PHTF2: variants seen among roughly 807,000 people sequenced by gnomAD.
PHTF2 encodes the protein putative homeodomain transcription factor 2.
A neutral mutation model predicts 101.2 loss-of-function variants in PHTF2; 60 were observed. That is an observed-to-expected ratio of 0.59 (90% CI 0.48 to 0.73). PHTF2 has a LOEUF of 0.73. PHTF2 is among the 30% of genes least tolerant of loss of function. PHTF2 has a pLI of 0.00. For missense variants in PHTF2, 747 were observed against 908.7 expected (o/e 0.82, Z 2.29); for synonymous variants, 311 against 307.3 (o/e 1.01, Z -0.13).
intron 3 of PHTF2, among the ~76,000 whole-genome samples, chr7:77,873,403 T>C (rs2150723949): frequency 6.6e-6 from 1 of 152,268 alleles, no homozygotes; most frequent in Admixed American, 6.5e-5. Context: ...ATTAGAAAAC[T>C]CAAGCAGTTC....
intron 1 of PHTF2, among the ~76,000 whole-genome samples, chr7:77,809,758 A>C (rs992931086): frequency 3.3e-5 from 5 of 152,186 alleles, no homozygotes; most frequent in Admixed American, 2.0e-4. Flanking sequence ...AGTAGATATT[A>C]AGGACTGTTG....
chr7:77,859,250 T>C (rs1348004085), intron 3 of PHTF2, among the ~76,000 whole-genome samples: 1 of 152,254 alleles, frequency 6.6e-6, no homozygotes, highest in Admixed American at 6.5e-5. Context: ...AATAAGGAAC[T>C]ATTCTGAGGT....
Position 77,922,611 on chromosome 7 carries a change from C to T in PHTF2, c.964-12C>T. On this transcript the variant is annotated splice_polypyrimidine_tract_variant and intron_variant, in intron 10 of 19. Coordinates refer to ENST00000416283, the Ensembl canonical transcript of PHTF2. Reference sequence around the variant, plus strand: ...AATTACCTATAATCCTCTTTGTGTACTCCCAACTTAGGATACCCAAAGGAC... The same window carrying T: ...AATTACCTATAATCCTCTTTGTGTATTCCCAACTTAGGATACCCAAAGGAC... 2 of 1,596,106 alleles carry T rather than the reference C, an allele frequency of 1.3e-6. No homozygotes were observed. Among genetic ancestry groups the T allele is most frequent in the South Asian group, 1.1e-5 (1 of 88,400 alleles).
intron 14 of PHTF2, 55 bp from the exon 14 acceptor site, chr7:77,940,473 T>G (rs1805552226): frequency 2.1e-6 from 3 of 1,459,358 alleles, no homozygotes; most frequent in Non-Finnish European, 2.8e-6. Context: ...TTTGTTAATT[T>G]TGTTTTTCTG....
chr7:77,839,328 A>G (rs1275151520), intron 1 of PHTF2, among the ~76,000 whole-genome samples: 3 of 152,188 alleles, frequency 2.0e-5, no homozygotes, highest in African/African-American at 2.4e-5. Context: ...TCTGGAGTTG[A>G]TGGGAATCAG....
rs1295236333 is a variant in PHTF2, at chr7:77,954,610, G to GTATATATA, written c.2338-247_2338-246insATATATAT. Among the ~76,000 whole-genome samples the GTATATATA allele has an allele frequency of 7.0e-3, 575 of 82,302 alleles. 2 individuals carry two copies. Among genetic ancestry groups the GTATATATA allele is most frequent in the Non-Finnish European group, 8.2e-3 (369 of 44,962 alleles). The allele number at this position is 82,302 out of a possible 152,430, so 54.0% of individuals were successfully genotyped here. A position where few individuals can be genotyped will look rare whatever the true frequency, so the allele number is the denominator to read the frequency against. On this transcript the variant is annotated intron_variant, in intron 19 of 19. Coordinates refer to ENST00000416283, the Ensembl canonical transcript of PHTF2. The stretch of plus-strand genomic sequence containing the variant: ...AAGATAATCATATTAAACAAGTACT[G>GTATATATA]TGTATATATATATATATATATATAT...
At chr7:77,930,500 T>C (rs940985081) in intron 12 of PHTF2, among the ~76,000 whole-genome samples, 1 of 152,120 alleles carries the variant, frequency 6.6e-6, no homozygotes, top group Admixed American at 6.6e-5. Flanking sequence ...CTTCTCTCTC[T>C]TATCCAACTC....
intron 3 of PHTF2, among the ~76,000 whole-genome samples, chr7:77,882,377 C>A (rs1392753396): frequency 6.6e-6 from 1 of 151,884 alleles, no homozygotes; most frequent in African/African-American, 2.4e-5. Flanking sequence ...AAATTTATTT[C>A]TTTTAAAATT....
intron 9 of PHTF2, among the ~76,000 whole-genome samples, chr7:77,913,720 A>T (rs532967939): frequency 6.6e-6 from 1 of 152,284 alleles, no homozygotes; most frequent in Non-Finnish European, 1.5e-5. Flanking sequence ...AAGTGTTGAG[A>T]TTACAGGTGT....
intron 5 of PHTF2, among the ~76,000 whole-genome samples, chr7:77,897,797 C>G (rs971771043): frequency 6.6e-6 from 1 of 152,150 alleles, no homozygotes; most frequent in African/African-American, 2.4e-5. Flanking sequence ...TCTCCTGCCT[C>G]AGCCTCCCAA....
chr7:77,869,128 TTTTTTCAG>T (rs1798317284), intron 3 of PHTF2, among the ~76,000 whole-genome samples: 1 of 152,184 alleles, frequency 6.6e-6, no homozygotes, highest in Non-Finnish European at 1.5e-5. Context: ...ATCTGTTTCA[TTTTTTCAG>T]TTTTTAAATT....
chr7:77,886,013 A>T (rs924250718), intron 3 of PHTF2, among the ~76,000 whole-genome samples: 1 of 152,236 alleles, frequency 6.6e-6, no homozygotes, highest in Non-Finnish European at 1.5e-5. Context: ...GTATCTGTTC[A>T]TTAGTTAAGG....
intron 11 of PHTF2, among the ~76,000 whole-genome samples, chr7:77,925,814 T>C (rs1803943413): frequency 1.3e-5 from 2 of 151,970 alleles, no homozygotes; most frequent in Non-Finnish European, 2.9e-5. Context: ...TCGCAGCACT[T>C]TGGGAGGCTG....
At chr7:77,867,240 A>G (rs1454113506) in intron 3 of PHTF2, among the ~76,000 whole-genome samples, 1 of 152,218 alleles carries the variant, frequency 6.6e-6, no homozygotes, top group African/African-American at 2.4e-5. Flanking sequence ...GGAGAAGTAT[A>G]TGACAATGAT....
At chr7:77,837,259 A>G (rs1379651407) in intron 1 of PHTF2, among the ~76,000 whole-genome samples, 2 of 152,214 alleles carry the variant, frequency 1.3e-5, no homozygotes, top group East Asian at 3.8e-4. Flanking sequence ...ATTTAACATT[A>G]AACCTGAGCT....
intron 17 of PHTF2, among the ~76,000 whole-genome samples, chr7:77,950,238 G>T (rs1166424927): frequency 6.6e-6 from 1 of 152,098 alleles, no homozygotes; most frequent in Non-Finnish European, 1.5e-5. Flanking sequence ...CACTTTATAG[G>T]AATTTTGTAA....
intron 3 of PHTF2, among the ~76,000 whole-genome samples, chr7:77,879,494 C>T (rs1210827251): frequency 6.6e-6 from 1 of 152,144 alleles, no homozygotes; most frequent in Non-Finnish European, 1.5e-5. Context: ...TCTTCCATTC[C>T]CTCCCTTTCC....
chr7:77,804,004 T>C (rs1316605716), intron 1 of PHTF2, among the ~76,000 whole-genome samples: 1 of 152,168 alleles, frequency 6.6e-6, no homozygotes, highest in Non-Finnish European at 1.5e-5. Context: ...ATTTCAGTGC[T>C]GTGAATTAAG....
exon 20 of PHTF2, chr7:77,956,405 C>T (rs900486936): frequency 2.0e-5 from 3 of 152,542 alleles, no homozygotes; most frequent in Non-Finnish European, 4.4e-5. Flanking sequence ...TTTGATCAGC[C>T]TCAATTCAGC....
Sources: allele counts gnomAD v4.1 joint callset (sites outside exome capture counted in the v4.1 genomes callset), GRCh38; gene constraint gnomAD v4.1.1; transcripts MANE v1.5; gene names NCBI Gene and HGNC (gene_info 2026-07-23, HGNC 2026-07-21).